DAOA: variants seen among roughly 807,000 people sequenced by gnomAD.
The protein encoded by DAOA is D-amino acid oxidase activator.
A neutral mutation model predicts 16.4 loss-of-function variants in DAOA; 15 were observed. The ratio of observed to expected loss-of-function variants is 0.91; its 90% CI spans 0.61 to 1.41. DAOA has a LOEUF of 1.41. Among genes scored for constraint, DAOA ranks in the 40% most tolerant of loss-of-function variants. DAOA has a pLI of 0.00. For synonymous variants in DAOA, 75 were observed against 59.1 expected, an observed-to-expected ratio of 1.27 and a Z score of -1.23; for missense variants, 230 against 176.8, an observed-to-expected ratio of 1.30 and a Z score of -1.71.
chr13:105,484,417 G>C (rs1877969231), intron 4 of DAOA, among the ~76,000 whole-genome samples: 1 of 152,072 alleles, frequency 6.6e-6, no homozygotes, highest in Non-Finnish European at 1.5e-5. Context: ...GGGGACAACT[G>C]ACATCTTAAG....
At chr13:105,477,196 C>A (rs376536799) in intron 4 of DAOA, 1 of 152,102 alleles carries the variant, frequency 6.6e-6, no homozygotes, top group African/African-American at 2.4e-5. Context: ...TGCTACCAGA[C>A]CTTGGATCTG....
chr13:105,486,236 C>T (rs1386100761), intron 4 of DAOA, among the ~76,000 whole-genome samples: 5 of 152,090 alleles, frequency 3.3e-5, no homozygotes, highest in African/African-American at 7.2e-5. Context: ...TCTTCATACG[C>T]GCTCACTCAT....
rs572668434 is a variant in DAOA at position 105,469,735 on chromosome 13, A to C, written c.133+2594A>C. 4.6e-5 allele frequency among the ~76,000 whole-genome samples: 7 copies of C among 152,300 alleles called. No individual in the cohort carries two copies. In the East Asian group the frequency reaches 1.4e-3, roughly 29 times the overall value. ...TGTCATAGCACTAATAAAAGCCCTA[A>C]ATTTGTCAAGAAAAAGAAAATGGTA... On this transcript the variant is annotated intron_variant, in intron 3 of 5. Coordinates refer to ENST00000375936, the MANE Select transcript of DAOA (RefSeq NM_172370.5).
In DAOA at chr13:105,490,917, G is replaced by A. The variant is rs879706884; in HGVS notation, c.*117G>A. 1 of 151,992 alleles carries A rather than the reference G, an allele frequency of 6.6e-6. No individual in the cohort carries two copies. The highest frequency in any genetic ancestry group is 2.4e-5 in the African/African-American group (1 of 41,394). The allele number at this position is 151,992 out of a possible 1,614,324, so 9.4% of individuals were successfully genotyped here. On this transcript the variant is annotated 3_prime_UTR_variant, in exon 6 of 6. Transcript: ENST00000375936. ...TTTTGTTTCCTTGTTTTTAGGTGAT[G>A]GGATTGTATTTGCAACTCTCTGGTC...
At chr13:105,481,660 C>T (rs1221085734) in intron 4 of DAOA, among the ~76,000 whole-genome samples, 1 of 152,114 alleles carries the variant, frequency 6.6e-6, no homozygotes, top group African/African-American at 2.4e-5. Context: ...AAACTCATTC[C>T]TCTATCAAAC....
At chr13:105,466,597 A>G (rs548053281) in intron 2 of DAOA, among the ~76,000 whole-genome samples, 1 of 152,282 alleles carries the variant, frequency 6.6e-6, no homozygotes, top group East Asian at 1.9e-4. Context: ...AAGAGTTTGA[A>G]TCTTTAATCC....
At chr13:105,480,499 CATAG>C (rs1877642771) in intron 4 of DAOA, among the ~76,000 whole-genome samples, 3 of 149,648 alleles carry the variant, frequency 2.0e-5, no homozygotes, top group Middle Eastern at 6.9e-3. Flanking sequence ...ATAATAGATA[CATAG>C]ATGGATGGAT....
At chr13:105,488,387 C>T (rs7329925) in intron 4 of DAOA, among the ~76,000 whole-genome samples, 1,854 of 152,130 alleles carry the variant, frequency 0.012, 16 homozygotes, top group Non-Finnish European at 0.018. Flanking sequence ...TTTTTCATCC[C>T]GTTCTGATTT....
At chr13:105,474,011 G>A (rs1877170257) in intron 4 of DAOA, among the ~76,000 whole-genome samples, 1 of 152,108 alleles carries the variant, frequency 6.6e-6, no homozygotes, top group Non-Finnish European at 1.5e-5. Flanking sequence ...TACCTGGCCA[G>A]AGAGTTAGAC....
Position 105,472,551 on chromosome 13 carries a change from A to G in DAOA, c.147A>G (p.Glu49=). The change falls in exon 4 of 6, where the codon GAA becomes GAG. Residue 49 remains glutamate (E), a synonymous_variant. Transcript: ENST00000375936. The part of the protein sequence containing the change: ...NSLNSIAKET[E]EGRETVTRKE... ...ATACTGTTGCAGCAAAGGAGACAGAAGAAGGAAGAGAGACGGTAACAAGGA... is the reference window on the plus strand; with the variant it reads ...ATACTGTTGCAGCAAAGGAGACAGAGGAAGGAAGAGAGACGGTAACAAGGA... 1 of 1,613,880 alleles carries G rather than the reference A, an allele frequency of 6.2e-7. No homozygotes were observed. Among genetic ancestry groups the G allele is most frequent in the African/African-American group, 1.3e-5 (1 of 75,064 alleles).
chr13:105,469,472 G>A (rs1285725947), intron 3 of DAOA, among the ~76,000 whole-genome samples: 2 of 152,150 alleles, frequency 1.3e-5, no homozygotes, highest in Admixed American at 6.5e-5. Flanking sequence ...CAAAAATAAT[G>A]TACCAGTGGT....
intron 4 of DAOA, among the ~76,000 whole-genome samples, chr13:105,476,391 T>A (rs1212721828): frequency 6.6e-6 from 1 of 151,778 alleles, no homozygotes; most frequent in African/African-American, 2.4e-5. Context: ...GATACAATAA[T>A]TAGCTTTCTT....
chr13:105,483,679 A>G (rs1028624062), intron 4 of DAOA, among the ~76,000 whole-genome samples: 2 of 150,634 alleles, frequency 1.3e-5, no homozygotes, highest in African/African-American at 2.5e-5. Context: ...GCTTTTGCTC[A>G]TTTTTATTTT....
intron 4 of DAOA, among the ~76,000 whole-genome samples, chr13:105,484,189 A>G (rs1877951826): frequency 6.6e-6 from 1 of 152,110 alleles, no homozygotes; most frequent in South Asian, 2.1e-4. Flanking sequence ...CCATATATGT[A>G]TAGGTCTATT....
At chr13:105,476,340 G>A (rs142258348) in intron 4 of DAOA, among the ~76,000 whole-genome samples, 1,808 of 151,904 alleles carry the variant, frequency 0.012, 27 homozygotes, top group African/African-American at 0.041. Context: ...AAATGTCTAT[G>A]TTTTGACTTT....
At chr13:105,486,851 C>T (rs1878145945) in intron 4 of DAOA, among the ~76,000 whole-genome samples, 2 of 152,110 alleles carry the variant, frequency 1.3e-5, no homozygotes, top group Admixed American at 6.5e-5. Context: ...AACTCCTGAC[C>T]TCCAGTGATC....
At chr13:105,472,046 A>T (rs72661139) in intron 3 of DAOA, among the ~76,000 whole-genome samples, 5,675 of 152,294 alleles carry the variant, frequency 0.037, 140 homozygotes, top group South Asian at 0.063. Context: ...CCCTCAAAAA[A>T]CTACCTTGTG....
chr13:105,487,819 A>G (rs559468300), intron 4 of DAOA, among the ~76,000 whole-genome samples: 4 of 152,338 alleles, frequency 2.6e-5, no homozygotes, highest in Admixed American at 1.3e-4. Flanking sequence ...TCCTGTTTCT[A>G]TAATTGCCTG....
At chr13:105,487,807 A>T (rs1171437588) in intron 4 of DAOA, among the ~76,000 whole-genome samples, 1 of 152,208 alleles carries the variant, frequency 6.6e-6, no homozygotes, top group Non-Finnish European at 1.5e-5. Context: ...TGATCATCAA[A>T]GTCCTGTTTC....
Sources: allele counts gnomAD v4.1 joint callset (sites outside exome capture counted in the v4.1 genomes callset), GRCh38; gene constraint gnomAD v4.1.1; transcripts MANE v1.5; gene names NCBI Gene and HGNC (gene_info 2026-07-23, HGNC 2026-07-21).